ANKUB1: variants seen among roughly 807,000 people sequenced by gnomAD.
ANKUB1 encodes ankyrin repeat and ubiquitin domain containing 1, also known as protein ANKUB1.
In ANKUB1, 42 loss-of-function variants were observed where a neutral mutation model predicts 49.3. That is an observed-to-expected ratio of 0.85 (90% CI 0.67 to 1.10). The LOEUF is 1.10. ANKUB1 is among the 50% of genes least tolerant of loss of function. The pLI, the probability that ANKUB1 is intolerant of heterozygous loss-of-function variation, is 0.00. For missense variants in ANKUB1, 613 were observed against 642.0 expected (o/e 0.95, Z 0.49); for synonymous variants, 222 against 231.0 (o/e 0.96, Z 0.35).
chr3:149,763,001 C>G (rs1716842414), intron 5 of ANKUB1, among the ~76,000 whole-genome samples: 1 of 152,188 alleles, frequency 6.6e-6, no homozygotes, highest in Non-Finnish European at 1.5e-5. Context: ...TCTGGTATTT[C>G]TAAAAGGCTT....
rs1716778439 is a variant in ANKUB1, at chr3:149,761,442, GT to G, written c.*41del. On this transcript the variant is annotated 3_prime_UTR_variant, in exon 6 of 6. Transcript: ENST00000446160. ...TGTTAACATTAGAACTGGACATTCT[GT>G]TTGATCAGGTCTTTGTCCAAACTGA... 1 of 1,547,092 alleles carries G rather than the reference GT, an allele frequency of 6.5e-7. No individual in the cohort carries two copies. Among genetic ancestry groups the G allele is most frequent in the Non-Finnish European group, 8.7e-7 (1 of 1,143,638 alleles).
In ANKUB1 at chr3:149,780,288, G is replaced by A. The variant is rs1214502878; in HGVS notation, c.402C>T (p.Gly134=). Reference sequence around the variant, plus strand: ...GGGTGTTGCAATCATACATCTCCAGGCCCCTTGGGGTTCGGAGACAGTAGA... The same window carrying A: ...GGGTGTTGCAATCATACATCTCCAGACCCCTTGGGGTTCGGAGACAGTAGA... ...VSVYCLRTPR[G]LEMYDCNTLK... Residue 134 remains glycine, a synonymous_variant, in exon 3 of 6, where the codon GGC becomes GGT. Coordinates refer to ENST00000446160, the MANE Select transcript of ANKUB1 (RefSeq NM_001144960.3). 2 of 1,551,680 alleles carry A rather than the reference G, an allele frequency of 1.3e-6. No individual in the cohort carries two copies. Among genetic ancestry groups the A allele is most frequent in the Admixed American group, 2.0e-5 (1 of 50,992 alleles).
Position 149,787,534 on chromosome 3 carries a change from C to T in ANKUB1, c.234+3247G>A, listed in dbSNP as rs530741543. 3.0e-4 allele frequency among the ~76,000 whole-genome samples: 45 copies of T among 152,232 alleles called. 1 individual carries two copies. In the East Asian group the frequency reaches 8.5e-3, roughly 29 times the overall value. On this transcript the variant is annotated intron_variant, in intron 2 of 5. Coordinates refer to ENST00000446160, the MANE Select transcript of ANKUB1 (RefSeq NM_001144960.3). ...CTGCAAACAGGGACAATTTGACTTC[C>T]TCTTTTCCTAATTGAATACCCTTTA...
intron 3 of ANKUB1, among the ~76,000 whole-genome samples, chr3:149,777,502 A>ACAACAAC (rs35412105): frequency 4.0e-5 from 6 of 151,550 alleles, no homozygotes; most frequent in Admixed American, 6.6e-5. Context: ...AACAACAACA[A>ACAACAAC]AAAAACACTC....
intron 5 of ANKUB1, among the ~76,000 whole-genome samples, chr3:149,763,585 T>A (rs967877863): frequency 6.6e-6 from 1 of 152,218 alleles, no homozygotes; most frequent in Non-Finnish European, 1.5e-5. Flanking sequence ...ACTCAAACTC[T>A]CAGCCTTCTG....
Position 149,765,630 on chromosome 3 carries a change from A to G in ANKUB1, c.1505+1527T>C, listed in dbSNP as rs558856716. 2.6e-5 allele frequency among the ~76,000 whole-genome samples: 4 copies of G among 152,340 alleles called. No homozygotes were observed. In the East Asian group the frequency reaches 5.8e-4, roughly 22 times the overall value. On this transcript the variant is annotated intron_variant, in intron 5 of 5. Coordinates refer to ENST00000446160, the MANE Select transcript of ANKUB1 (RefSeq NM_001144960.3). ...TCTGCTGGGCACAGCACTGGGCTAT[A>G]GTAAACACTTACTGAATGTTTGAAA...
intron 3 of ANKUB1, among the ~76,000 whole-genome samples, chr3:149,776,584 G>T (rs1430627353): frequency 6.6e-6 from 1 of 152,154 alleles, no homozygotes; most frequent in Non-Finnish European, 1.5e-5. Context: ...CATATCTAAA[G>T]CTTAAAACCC....
intron 3 of ANKUB1, chr3:149,778,892 T>A (rs893222049): frequency 6.6e-6 from 1 of 152,186 alleles, no homozygotes; most frequent in Admixed American, 6.5e-5. Flanking sequence ...TATGTATATG[T>A]TGGGAGAACT....
intron 5 of ANKUB1, chr3:149,766,696 G>T: frequency 1.6e-6 from 1 of 638,554 alleles, no homozygotes; most frequent in Non-Finnish European, 2.7e-6. Context: ...TACTTGGAAG[G>T]CTGAGATGGG....
rs145996446 is a variant in ANKUB1 at position 149,773,383 on chromosome 3, G to A, written c.452-2709C>T. Among the ~76,000 whole-genome samples the A allele has an allele frequency of 2.4e-3, 361 of 152,188 alleles. 3 individuals carry two copies. The highest frequency in any genetic ancestry group is 8.2e-3 in the African/African-American group (340 of 41,512). On this transcript the variant is annotated intron_variant, in intron 3 of 5. Transcript: ENST00000446160. Reference sequence around the variant, plus strand: ...TTGTTTACTCACAGGCCTGACCTGCGTTACTACCCTCATCCCCCTCACCTG... The same window carrying A: ...TTGTTTACTCACAGGCCTGACCTGCATTACTACCCTCATCCCCCTCACCTG...
intron 4 of ANKUB1, among the ~76,000 whole-genome samples, chr3:149,770,326 G>C (rs1370445202): frequency 6.6e-6 from 1 of 152,150 alleles, no homozygotes; most frequent in East Asian, 1.9e-4. Context: ...ATTGTAGTTA[G>C]TATTTCCTGA....
intron 3 of ANKUB1, among the ~76,000 whole-genome samples, chr3:149,776,845 G>A (rs1717617551): frequency 6.6e-6 from 1 of 151,918 alleles, no homozygotes. Flanking sequence ...GGCATGGTGG[G>A]ATGCACCTGT....
chr3:149,785,975 T>C (rs1718081404), intron 2 of ANKUB1, among the ~76,000 whole-genome samples: 1 of 152,214 alleles, frequency 6.6e-6, no homozygotes, highest in African/African-American at 2.4e-5. Flanking sequence ...AGATGGTATC[T>C]CATTGTGGTT....
At chr3:149,789,165 T>A (rs1718245385) in intron 2 of ANKUB1, among the ~76,000 whole-genome samples, 1 of 152,190 alleles carries the variant, frequency 6.6e-6, no homozygotes, top group South Asian at 2.1e-4. Flanking sequence ...TAAAATGTTA[T>A]ATAATAAAAA....
intron 5 of ANKUB1, among the ~76,000 whole-genome samples, chr3:149,764,223 T>C (rs1716894091): frequency 6.6e-6 from 1 of 152,170 alleles, no homozygotes; most frequent in Admixed American, 6.5e-5. Context: ...GCCTTGACTG[T>C]CTACTTCAGG....
rs371593704 is a variant in ANKUB1, at chr3:149,767,338, T to A, written c.1324A>T (p.Lys442Ter). The change falls in exon 5 of 6, where the codon AAA becomes TAA. Residue 442 changes from lysine to a stop codon, truncating the protein, a stop_gained. Coordinates refer to ENST00000446160, the MANE Select transcript of ANKUB1 (RefSeq NM_001144960.3). LOFTEE classifies it high-confidence loss of function. Reference protein sequence around the residue: ...ATARKKEKLIKNTYLPQVPLP... With the variant: ...ATARKKEKLI ...GGGACTTGGGGAAGATATGTGTTTT[T>A]TATGAGCTTTTCTTTTTTCCTAGCT... 3.8e-5 allele frequency: 59 copies of A among 1,550,318 alleles called. No individual in the cohort carries two copies. In the South Asian group the frequency reaches 6.8e-4, roughly 18 times the overall value.
chr3:149,789,887 G>C (rs1718284870), intron 2 of ANKUB1, among the ~76,000 whole-genome samples: 1 of 152,046 alleles, frequency 6.6e-6, no homozygotes, highest in Non-Finnish European at 1.5e-5. Flanking sequence ...CCAGGTGTGA[G>C]CCACTGCACC....
intron 3 of ANKUB1, among the ~76,000 whole-genome samples, chr3:149,776,976 CAA>C (rs11322234): frequency 0.012 from 1,759 of 147,026 alleles, 34 homozygotes; most frequent in African/African-American, 0.041. Flanking sequence ...GACCCTGTCT[CAA>C]AAAAAAAAAA....
At chr3:149,780,002 G>T in intron 3 of ANKUB1, 1 of 505,358 alleles carries the variant, frequency 2.0e-6, no homozygotes, top group Non-Finnish European at 3.6e-6. Context: ...CTGTGAGGAG[G>T]GAACTAAGTG....
Sources: gnomAD v4.1 joint callset for allele counts (sites outside exome capture counted in the v4.1 genomes callset) on GRCh38, gnomAD v4.1.1 for gene constraint, MANE v1.5 for transcripts, NCBI Gene and HGNC (gene_info 2026-07-23, HGNC 2026-07-21) for gene names.